PTPRB: variants seen among roughly 807,000 people sequenced by gnomAD.
PTPRB encodes the protein protein tyrosine phosphatase receptor type B, also known as receptor-type tyrosine-protein phosphatase beta.
A neutral mutation model predicts 238.1 loss-of-function variants in PTPRB; 97 were observed. The ratio of observed to expected loss-of-function variants is 0.41; its 90% CI spans 0.35 to 0.48. The LOEUF (loss-of-function observed/expected upper bound fraction) is 0.48. Ranked by LOEUF, PTPRB falls within the 20% of genes least tolerant of loss-of-function variation. The pLI is 0.30. For missense variants in PTPRB, 2,292 were observed against 2,681.9 expected (o/e 0.85, Z 3.21); for synonymous variants, 970 against 995.4 (o/e 0.97, Z 0.48).
rs1323225156 is a variant in PTPRB, at chr12:70,555,884, A to G, written c.4979T>C (p.Ile1660Thr). 1 of 1,612,666 alleles carries G rather than the reference A, an allele frequency of 6.2e-7. No individual in the cohort carries two copies. Among genetic ancestry groups the G allele is most frequent in the Admixed American group, 1.7e-5 (1 of 59,994 alleles). Residue 1660 changes from isoleucine to threonine, a missense_variant, in exon 19 of 34, where the codon ATC (isoleucine) becomes ACC (threonine). Ile to Thr is a moderately conservative substitution (Grantham distance 89). This residue lies in a region of PTPRB where 683 missense variants were observed against 862.0 expected (regional missense o/e 0.79). Transcript: ENST00000334414. ...GGGACACTTACGGTCTATCATTGTG[A>G]TAGTGCTGTCTTCAACCACCTCGCT... Reference protein sequence around the residue: ...MTSEVVEDSTITMIDRPPPPP... With the variant: ...MTSEVVEDSTTTMIDRPPPPP...
intron 21 of PTPRB, among the ~76,000 whole-genome samples, chr12:70,551,031 G>A (rs928605508): frequency 1.3e-5 from 2 of 152,118 alleles, no homozygotes; most frequent in African/African-American, 4.8e-5. Flanking sequence ...AAGTAGCTGG[G>A]ATTACAGGCG....
intron 11 of PTPRB, among the ~76,000 whole-genome samples, chr12:70,576,008 A>T (rs1220855206): frequency 6.6e-6 from 1 of 152,190 alleles, no homozygotes; most frequent in Non-Finnish European, 1.5e-5. Flanking sequence ...CAAGGTAAAC[A>T]GTTGGGCGAG....
chr12:70,535,061 A>T, intron 29 of PTPRB, 106 bp from the exon 30 acceptor site: 1 of 1,293,680 alleles, frequency 7.7e-7, no homozygotes. Context: ...ATCTGGGATC[A>T]GCTGCTAAAG....
chr12:70,609,361 C>T, intron 3 of PTPRB, 22 bp from the exon 4 acceptor site: 3 of 1,609,560 alleles, frequency 1.9e-6, no homozygotes, highest in African/African-American at 1.3e-5. Context: ...TCAGACACAA[C>T]AGTTTAAGTC....
chr12:70,615,409 G>C (rs1029846882), intron 3 of PTPRB, among the ~76,000 whole-genome samples: 1 of 152,124 alleles, frequency 6.6e-6, no homozygotes, highest in African/African-American at 2.4e-5. Flanking sequence ...CTAACAGCAG[G>C]CTCCACTGTC....
intron 13 of PTPRB, among the ~76,000 whole-genome samples, chr12:70,570,482 G>T (rs1328442027): frequency 6.6e-6 from 1 of 151,948 alleles, no homozygotes; most frequent in East Asian, 1.9e-4. Context: ...CAGTAGCTGG[G>T]ACTACAGGCA....
At chr12:70,611,076 T>C (rs974017875) in intron 3 of PTPRB, among the ~76,000 whole-genome samples, 2 of 152,242 alleles carry the variant, frequency 1.3e-5, no homozygotes, top group African/African-American at 4.8e-5. Flanking sequence ...TAATTTTTTA[T>C]TGCTTTTTTG....
chr12:70,609,002 C>A (rs1475070732), intron 4 of PTPRB, 67 bp downstream of exon 4: 3 of 1,530,348 alleles, frequency 2.0e-6, no homozygotes, highest in Admixed American at 1.9e-5. Flanking sequence ...AAATGAAACA[C>A]CAGCTTGAAA....
rs575437780 is a variant in PTPRB at position 70,601,199 on chromosome 12, C to T, written c.980-4872G>A. On this transcript the variant is annotated intron_variant, in intron 4 of 33. Coordinates refer to ENST00000334414, the MANE Select transcript of PTPRB (RefSeq NM_001109754.4). ...GTATTATTTTGTAGAGATAGGGTTTCGCCATGTTGCCCCAGCTGGTCTCAA... is the reference window on the plus strand; with the variant it reads ...GTATTATTTTGTAGAGATAGGGTTTTGCCATGTTGCCCCAGCTGGTCTCAA... Among the ~76,000 whole-genome samples the T allele has an allele frequency of 4.9e-4, 75 of 151,956 alleles. 2 individuals carry two copies. The highest frequency in any genetic ancestry group is 8.3e-4 in the South Asian group (4 of 4,808).
At chr12:70,528,520 C>CTCCAAGGGAAGG (rs1229823195) in intron 32 of PTPRB, among the ~76,000 whole-genome samples, 2 of 151,818 alleles carry the variant, frequency 1.3e-5, no homozygotes, top group African/African-American at 2.4e-5. Context: ...GAGGGGCTAG[C>CTCCAAGGGAAGG]TCCAAGGGAA....
intron 28 of PTPRB, chr12:70,537,937 G>C: frequency 2.1e-6 from 1 of 465,590 alleles, no homozygotes; most frequent in South Asian, 4.0e-5. Context: ...ATGCATCTTG[G>C]GCTCATAATT....
chr12:70,584,368 T>A (rs1049640717), intron 9 of PTPRB, among the ~76,000 whole-genome samples: 1 of 152,114 alleles, frequency 6.6e-6, no homozygotes, highest in African/African-American at 2.4e-5. Context: ...AGCTGAGAAT[T>A]TCCAGGATTG....
Position 70,560,668 on chromosome 12 carries a change from C to T in PTPRB, c.4432+3G>A. 1 of 1,613,522 alleles carries T rather than the reference C, an allele frequency of 6.2e-7. No homozygotes were observed. Among genetic ancestry groups the T allele is most frequent in the Non-Finnish European group, 8.5e-7 (1 of 1,179,670 alleles). On this transcript the variant is annotated splice_donor_region_variant and intron_variant, in intron 17 of 33. Coordinates refer to ENST00000334414, the MANE Select transcript of PTPRB (RefSeq NM_001109754.4). This position sits in a 1 kb window ranked among gnomAD's most constrained non-coding sequence, Gnocchi z 4.2. ...CTTGGCCATTGGCACCTGGGCTTCT[C>T]ACCTGTTCTGCTCTCCGCTGTGACT...
chr12:70,557,864 G>GCTCA (rs934301502), intron 18 of PTPRB, among the ~76,000 whole-genome samples: 7 of 152,190 alleles, frequency 4.6e-5, no homozygotes, highest in African/African-American at 1.7e-4. Flanking sequence ...TGTCCTCTGA[G>GCTCA]GAGACAGGAC....
intron 3 of PTPRB, among the ~76,000 whole-genome samples, chr12:70,617,095 C>A (rs964587143): frequency 6.6e-6 from 1 of 152,142 alleles, no homozygotes; most frequent in Non-Finnish European, 1.5e-5. Flanking sequence ...CAAGGGTTAA[C>A]TATATGTTCA....
chr12:70,540,830 C>T (rs926744941), intron 23 of PTPRB, 28 bp downstream of exon 23: 2 of 1,523,104 alleles, frequency 1.3e-6, no homozygotes, highest in Non-Finnish European at 9.0e-7. Context: ...GTTGTGGGTC[C>T]AATCACCAAA....
At position 70,594,733 on chromosome 12, in the gene PTPRB, A is replaced by T. The variant is rs376677450; in HGVS notation, c.1259-9T>A. On this transcript the variant is annotated splice_polypyrimidine_tract_variant and intron_variant, in intron 5 of 33. Coordinates refer to ENST00000334414, the MANE Select transcript of PTPRB (RefSeq NM_001109754.4). Reference sequence around the variant, plus strand: ...TTTCACTGGAGATGGCACTAGTGGGATAAAATGCATGTCCAAATGTCATTA... The same window carrying T: ...TTTCACTGGAGATGGCACTAGTGGGTTAAAATGCATGTCCAAATGTCATTA... The T allele has an allele frequency of 1.2e-6, 2 of 1,613,482 alleles. No individual in the cohort carries two copies. Among genetic ancestry groups the T allele is most frequent in the African/African-American group, 1.3e-5 (1 of 74,936 alleles).
chr12:70,629,187 T>C (rs1885333607), intron 2 of PTPRB, among the ~76,000 whole-genome samples: 2 of 152,154 alleles, frequency 1.3e-5, no homozygotes, highest in South Asian at 4.1e-4. Flanking sequence ...AACATTTTTT[T>C]AAAGAATGAC....
At chr12:70,621,351 A>G (rs2439732) in intron 3 of PTPRB, among the ~76,000 whole-genome samples, 92,761 of 151,920 alleles carry the variant, frequency 0.61, 28,803 homozygotes, top group African/African-American at 0.73. Flanking sequence ...TAGAGTTCAC[A>G]TTATTTCCTG....
Sources: allele counts gnomAD v4.1 joint callset (sites outside exome capture counted in the v4.1 genomes callset), GRCh38; gene constraint gnomAD v4.1.1; regional missense constraint gnomAD v4.1.1; non-coding constraint Gnocchi (gnomAD v3.1); transcripts MANE v1.5; gene names NCBI Gene and HGNC (gene_info 2026-07-23, HGNC 2026-07-21).